The following CEP44 variants were observed in gnomAD, a reference collection of about 807,000 sequenced individuals.
CEP44 encodes the protein centrosomal protein 44, also known as centrosomal protein of 44 kDa.
CEP44 carries 45 observed loss-of-function variants against 46.7 expected under a neutral mutation model. The ratio of observed to expected loss-of-function variants is 0.96; its 90% CI spans 0.76 to 1.24. The LOEUF is 1.24. CEP44 is among the 50% of genes most tolerant of loss of function. The pLI is 0.00. For synonymous variants in CEP44, 142 were observed against 146.0 expected (o/e 0.97, Z 0.20); for missense variants, 475 against 459.7 (o/e 1.03, Z -0.30).
intron 9 of CEP44, among the ~76,000 whole-genome samples, chr4:174,313,013 G>T (rs544303687): frequency 6.6e-6 from 1 of 152,104 alleles, no homozygotes. Flanking sequence ...TTTGGAGAGG[G>T]TTTGAGGAAG....
At chr4:174,325,267 CTG>C (rs901943891), downstream of CEP44, among the ~76,000 whole-genome samples, 1 of 152,134 alleles carries the variant, frequency 6.6e-6, no homozygotes, top group Non-Finnish European at 1.5e-5. The surrounding 1 kb of genome is among the most constrained non-coding windows in gnomAD (Gnocchi z 4.4). Context: ...TTCCCCCACT[CTG>C]TGGTTTCTCG....
At chr4:174,295,072 C>CG (rs1401160843) in intron 1 of CEP44, among the ~76,000 whole-genome samples, 53 of 145,462 alleles carry the variant, frequency 3.6e-4, no homozygotes, top group Non-Finnish European at 6.8e-4. Context: ...GCTGGCCGGG[C>CG]GGGGGGCTGA....
chr4:174,315,185 C>T (rs1464457461), intron 9 of CEP44, among the ~76,000 whole-genome samples: 1 of 150,954 alleles, frequency 6.6e-6, no homozygotes, highest in African/African-American at 2.4e-5. Context: ...TCTGTGTAGG[C>T]TTACAATAAA....
chr4:174,311,010 A>G lies in CEP44; in HGVS notation c.961+152A>G, dbSNP rs1381048569. 4.2e-6 allele frequency: 2 copies of G among 471,542 alleles called. No individual in the cohort carries two copies. Among genetic ancestry groups the G allele is most frequent in the East Asian group, 6.6e-5 (2 of 30,260 alleles). The allele number at this position is 471,542 out of a possible 1,614,324, so 29.2% of individuals were successfully genotyped here. On this transcript the variant is annotated intron_variant, in intron 9 of 11. Coordinates refer to ENST00000503780, the MANE Select transcript of CEP44 (RefSeq NM_001040157.3). This position sits in a 1 kb window ranked among gnomAD's most constrained non-coding sequence, Gnocchi z 4.4. Reference sequence around the variant, plus strand: ...GAACCTACAGACTACTAAAGCCAAGAATTGCTTAACTAACCAGCCTACTTA... The same window carrying G: ...GAACCTACAGACTACTAAAGCCAAGGATTGCTTAACTAACCAGCCTACTTA...
In CEP44 at chr4:174,299,180, T is replaced by C. The variant is rs1314792878; in HGVS notation, c.59T>C (p.Leu20Pro). The change falls in exon 3 of 12, where the codon CTA (leucine) becomes CCA (proline). Residue 20 changes from leucine to proline, a missense_variant. Physicochemically the swap from Leu to Pro is moderately conservative, Grantham distance 98. Coordinates refer to ENST00000503780, the MANE Select transcript of CEP44 (RefSeq NM_001040157.3). The stretch of plus-strand genomic sequence containing the variant: ...AACCTAGAACAGGTGCTCCGCTTGC[T>C]AAATTATCCTGAAGAGGTGGACTGT... Reference protein sequence around the residue: ...LRNLEQVLRLLNYPEEVDCVG... With the variant: ...LRNLEQVLRLPNYPEEVDCVG... 6 of 1,613,676 alleles carry C rather than the reference T, an allele frequency of 3.7e-6. No individual in the cohort carries two copies. The highest frequency in any genetic ancestry group is 8.5e-7 in the Non-Finnish European group (1 of 1,179,754).
At chr4:174,296,534 A>G (rs1303073214) in intron 1 of CEP44, among the ~76,000 whole-genome samples, 1 of 151,972 alleles carries the variant, frequency 6.6e-6, no homozygotes, top group African/African-American at 2.4e-5. Flanking sequence ...ATCATTTTCA[A>G]TTCTGTTGTT....
intron 9 of CEP44, among the ~76,000 whole-genome samples, chr4:174,313,163 T>A (rs114864389): frequency 0.051 from 7,730 of 152,116 alleles, 618 homozygotes; most frequent in African/African-American, 0.17. Flanking sequence ...GGTGCCCTTG[T>A]TTTGTCTATG....
Position 174,299,204 on chromosome 4 carries a change from G to C in CEP44, c.83G>C (p.Cys28Ser). ...RLLNYPEEVD[C>S]VGLIKGDPAA... ...CTAAATTATCCTGAAGAGGTGGACT[G>C]TGTAGGGTAAGCTATAATATCAAAC... Residue 28 changes from cysteine to serine, a missense_variant, in exon 3 of 12, where the codon TGT becomes TCT. Cys to Ser is a moderately radical substitution (Grantham distance 112, BLOSUM62 -1). Transcript: ENST00000503780. 1 of 1,608,252 alleles carries C rather than the reference G, an allele frequency of 6.2e-7. No homozygotes were observed. Among genetic ancestry groups the C allele is most frequent in the Non-Finnish European group, 8.5e-7 (1 of 1,176,340 alleles).
At chr4:174,303,951 G>A (rs1409145683) in intron 5 of CEP44, 102 bp downstream of exon 5, 6 of 795,200 alleles carry the variant, frequency 7.5e-6, no homozygotes, top group Non-Finnish European at 1.1e-5. Flanking sequence ...TTATTTCATA[G>A]TGTAATTACT....
rs904366259 is a variant in CEP44 at position 174,297,232 on chromosome 4, A to G, written c.-147-734A>G. 1.3e-5 allele frequency among the ~76,000 whole-genome samples: 2 copies of G among 150,644 alleles called. No individual in the cohort carries two copies. The highest frequency in any genetic ancestry group is 1.3e-4 in the Admixed American group (2 of 15,130). On this transcript the variant is annotated intron_variant, in intron 1 of 11. Transcript: ENST00000503780. This position sits in a 1 kb window ranked among gnomAD's most constrained non-coding sequence, Gnocchi z 4.3. The stretch of plus-strand genomic sequence containing the variant: ...CCTTCTATTCTTGTTTTAGGTTTTA[A>G]TTTTTTTTTCTAATCTCATTGAGAA...
At chr4:174,294,166 T>C (rs1003966022) in intron 1 of CEP44, among the ~76,000 whole-genome samples, 1 of 150,842 alleles carries the variant, frequency 6.6e-6, no homozygotes, top group African/African-American at 2.4e-5. Flanking sequence ...AGGTCTCTGG[T>C]TTTCCTATGC....
In CEP44 at chr4:174,310,565, T is replaced by G. The variant is rs1387957143; in HGVS notation, c.886-218T>G. On this transcript the variant is annotated intron_variant, in intron 8 of 11. Transcript: ENST00000503780. The surrounding 1 kb of genome is among the most constrained non-coding windows in gnomAD (Gnocchi z 4.2). ...ATTTCAATTTCTGGTCTGTCTTTCC[T>G]TCCTAGAAGGTGAAGTCAAGTAGCT... 6.6e-6 allele frequency among the ~76,000 whole-genome samples: 1 copy of G among 151,966 alleles called. No individual in the cohort carries two copies. The highest frequency in any genetic ancestry group is 2.4e-5 in the African/African-American group (1 of 41,452).
chr4:174,316,349 T>C, intron 10 of CEP44, 59 bp downstream of exon 10: 1 of 1,539,624 alleles, frequency 6.5e-7, no homozygotes, highest in Non-Finnish European at 8.9e-7. Context: ...AGCATTAGCT[T>C]TTGTTGTAAA....
intron 1 of CEP44, among the ~76,000 whole-genome samples, chr4:174,291,121 CTTAA>C (rs1228477976): frequency 2.0e-5 from 3 of 151,850 alleles, no homozygotes; most frequent in Admixed American, 1.3e-4. Flanking sequence ...ACTGAGAGCC[CTTAA>C]TTATTAAAAA....
downstream of CEP44, among the ~76,000 whole-genome samples, chr4:174,321,769 T>C (rs1256213129): frequency 6.6e-6 from 1 of 152,132 alleles, no homozygotes; most frequent in East Asian, 1.9e-4. Flanking sequence ...TGAAAATCAT[T>C]TGTCAAGGAA....
intron 1 of CEP44, among the ~76,000 whole-genome samples, chr4:174,289,503 AT>A (rs200407794): frequency 2.7e-5 from 4 of 150,236 alleles, no homozygotes; most frequent in East Asian, 2.0e-4. Context: ...GAATTTACCC[AT>A]TTTTTTTTAG....
At chr4:174,308,073 A>G (rs1740637313) in intron 6 of CEP44, among the ~76,000 whole-genome samples, 1 of 152,116 alleles carries the variant, frequency 6.6e-6, no homozygotes, top group African/African-American at 2.4e-5. Flanking sequence ...CCTAAAGACC[A>G]TTTGACCCAG....
downstream of CEP44, among the ~76,000 whole-genome samples, chr4:174,324,997 G>T (rs1222311573): frequency 1.3e-5 from 2 of 152,156 alleles, no homozygotes; most frequent in South Asian, 2.1e-4. Context: ...TGGGTTTTGT[G>T]TTGGGCCTTC....
chr4:174,308,636 T>C (rs1560906886), intron 6 of CEP44, 53 bp from the exon 7 acceptor site: 1 of 1,532,938 alleles, frequency 6.5e-7, no homozygotes. Context: ...AAAAAATAAA[T>C]AATTGTGGGA....
Sources: allele counts gnomAD v4.1 joint callset (sites outside exome capture counted in the v4.1 genomes callset), GRCh38; gene constraint gnomAD v4.1.1; non-coding constraint Gnocchi (gnomAD v3.1); transcripts MANE v1.5; gene names NCBI Gene and HGNC (gene_info 2026-07-23, HGNC 2026-07-21).